CATSPER3: variants seen among roughly 807,000 people sequenced by gnomAD.
CATSPER3 encodes the protein cation channel sperm associated 3.
A neutral mutation model predicts 36.6 loss-of-function variants in CATSPER3; 23 were observed. The ratio of observed to expected loss-of-function variants is 0.63; its 90% CI spans 0.45 to 0.89. The LOEUF is 0.89. CATSPER3 is among the 40% of genes least tolerant of loss of function. The pLI, the probability that CATSPER3 is intolerant of heterozygous loss-of-function variation, is 0.00. For synonymous variants in CATSPER3, 172 were observed against 184.1 expected, an observed-to-expected ratio of 0.93 and a Z score of 0.53; for missense variants, 474 against 503.9, an observed-to-expected ratio of 0.94 and a Z score of 0.57.
At chr5:134,997,519 C>T (rs1286979044) in intron 3 of CATSPER3, among the ~76,000 whole-genome samples, 3 of 152,208 alleles carry the variant, frequency 2.0e-5, no homozygotes, top group Non-Finnish European at 4.4e-5. Flanking sequence ...TTTCCCTACA[C>T]TCCAGAATAT....
chr5:134,999,872 C>T (rs894462591), intron 3 of CATSPER3, among the ~76,000 whole-genome samples: 2 of 152,160 alleles, frequency 1.3e-5, no homozygotes, highest in Admixed American at 6.6e-5. Context: ...AATTTGACTT[C>T]CTCTTTTCCT....
Position 134,996,507 on chromosome 5 carries a change from A to G in CATSPER3, c.487A>G (p.Ile163Val). The G allele has an allele frequency of 6.2e-7, 1 of 1,614,066 alleles. No individual in the cohort carries two copies. Among genetic ancestry groups the G allele is most frequent in the Non-Finnish European group, 8.5e-7 (1 of 1,180,028 alleles). Residue 163 changes from isoleucine (I) to valine (V), a missense_variant, in exon 3 of 8, where the codon ATC becomes GTC. Physicochemically the swap from Ile to Val is conservative, Grantham distance 29. Coordinates refer to ENST00000282611, the MANE Select transcript of CATSPER3 (RefSeq NM_178019.3). Reference sequence around the variant, plus strand: ...CAAGCTTATCGGCTATAGCCAGGGCATCCGGGTGAGTGCACTGGGGGTGTC... The same window carrying G: ...CAAGCTTATCGGCTATAGCCAGGGCGTCCGGGTGAGTGCACTGGGGGTGTC... ...ILKLIGYSQGIRTLITAVGQT... is the reference protein window; with the variant it reads ...ILKLIGYSQGVRTLITAVGQT...
At chr5:134,993,631 C>T (rs888618721) in intron 2 of CATSPER3, among the ~76,000 whole-genome samples, 3 of 151,778 alleles carry the variant, frequency 2.0e-5, no homozygotes, top group Non-Finnish European at 4.4e-5. Context: ...CAATTTTATG[C>T]CAATAAATTT....
At position 134,968,103 on chromosome 5, in the gene CATSPER3, A is replaced by G. The variant is rs939421149; in HGVS notation, c.98+14A>G. The G allele has an allele frequency of 9.7e-6, 15 of 1,539,780 alleles. No individual in the cohort carries two copies. The highest frequency in any genetic ancestry group is 1.3e-5 in the Non-Finnish European group (15 of 1,112,406). On this transcript the variant is annotated intron_variant, in intron 1 of 7. Coordinates refer to ENST00000282611, the MANE Select transcript of CATSPER3 (RefSeq NM_178019.3). ...CAAGAAATTTAAGTAAATATTATCT[A>G]TCTCCATTGCCTGTTAAGAAATGTG...
chr5:134,978,887 T>C (rs1344907236), intron 2 of CATSPER3, among the ~76,000 whole-genome samples: 1 of 151,648 alleles, frequency 6.6e-6, no homozygotes, highest in East Asian at 2.0e-4. Context: ...GCCCGGCTAA[T>C]TTATTTTTGT....
chr5:134,981,568 A>G (rs1751751380), intron 2 of CATSPER3, among the ~76,000 whole-genome samples: 2 of 152,340 alleles, frequency 1.3e-5, no homozygotes, highest in Admixed American at 6.5e-5. Flanking sequence ...GATCACACAC[A>G]ACAAAGAATA....
chr5:134,991,178 A>G (rs1311724479), intron 2 of CATSPER3, among the ~76,000 whole-genome samples: 9 of 152,250 alleles, frequency 5.9e-5, no homozygotes, highest in Non-Finnish European at 2.9e-5. Context: ...TGTTCATGGA[A>G]GAGATTTAAT....
chr5:134,968,617 G>C (rs917990980), intron 1 of CATSPER3: 6 of 155,238 alleles, frequency 3.9e-5, no homozygotes, highest in Non-Finnish European at 7.1e-5. Context: ...CTTTAACCTG[G>C]GGGGCGAAGG....
intron 2 of CATSPER3, among the ~76,000 whole-genome samples, chr5:134,974,627 CTCT>C (rs1213148672): frequency 6.6e-6 from 1 of 152,126 alleles, no homozygotes; most frequent in African/African-American, 2.4e-5. Context: ...TAAAAATATA[CTCT>C]TCTTATCTTT....
At chr5:134,970,231 C>A in intron 2 of CATSPER3, 139 bp downstream of exon 2, 2 of 786,568 alleles carry the variant, frequency 2.5e-6, no homozygotes, top group Non-Finnish European at 4.2e-6. Context: ...TCTCAGCTCA[C>A]TGCAACCTCC....
intron 2 of CATSPER3, among the ~76,000 whole-genome samples, chr5:134,989,768 C>G (rs1457094518): frequency 6.6e-6 from 1 of 152,170 alleles, no homozygotes; most frequent in African/African-American, 2.4e-5. Context: ...ACTGGAATAA[C>G]TTTTAATTTT....
chr5:134,998,279 G>A (rs554557878), intron 3 of CATSPER3, among the ~76,000 whole-genome samples: 35 of 152,206 alleles, frequency 2.3e-4, no homozygotes, highest in South Asian at 1.9e-3. Context: ...ATAGTATTCC[G>A]TGGTGTATAT....
chr5:134,982,632 CT>C (rs1371913050), intron 2 of CATSPER3, among the ~76,000 whole-genome samples: 1 of 152,136 alleles, frequency 6.6e-6, no homozygotes, highest in African/African-American at 2.4e-5. Flanking sequence ...GAAATAAAGA[CT>C]TCCAGATAAA....
At chr5:134,997,591 G>A (rs1225177812) in intron 3 of CATSPER3, among the ~76,000 whole-genome samples, 1 of 152,084 alleles carries the variant, frequency 6.6e-6, no homozygotes, top group Non-Finnish European at 1.5e-5. Flanking sequence ...AGTTCCCTTG[G>A]CATCCTTGTC....
chr5:134,992,179 A>T lies in CATSPER3; in HGVS notation c.253-4094A>T, dbSNP rs925415922. 1.3e-5 allele frequency among the ~76,000 whole-genome samples: 2 copies of T among 152,268 alleles called. 1 individual carries two copies. Among genetic ancestry groups the T allele is most frequent in the South Asian group, 4.1e-4 (2 of 4,824 alleles). The stretch of plus-strand genomic sequence containing the variant: ...GAATGAGAGAAAATATTTGCAAATT[A>T]TATATCTGATAAAGAATTGATATCT... On this transcript the variant is annotated intron_variant, in intron 2 of 7. Transcript: ENST00000282611.
chr5:134,988,525 A>C (rs563014347), intron 2 of CATSPER3, among the ~76,000 whole-genome samples: 1 of 152,320 alleles, frequency 6.6e-6, no homozygotes, highest in South Asian at 2.1e-4. Flanking sequence ...TTGTCATTTC[A>C]ACAACTTTCA....
At chr5:134,999,558 A>G (rs1204910812) in intron 3 of CATSPER3, among the ~76,000 whole-genome samples, 2 of 152,134 alleles carry the variant, frequency 1.3e-5, no homozygotes, top group African/African-American at 4.8e-5. Flanking sequence ...ACATTCTTCC[A>G]TTTGTTTGTA....
chr5:135,001,829 A>G (rs1752023337), intron 3 of CATSPER3, among the ~76,000 whole-genome samples: 2 of 152,100 alleles, frequency 1.3e-5, no homozygotes, highest in Admixed American at 1.3e-4. Context: ...ATTTTCCTCC[A>G]TCCCTTTATT....
At chr5:134,983,190 G>A (rs1751769672) in intron 2 of CATSPER3, among the ~76,000 whole-genome samples, 1 of 152,180 alleles carries the variant, frequency 6.6e-6, no homozygotes. Context: ...CAAAACAGCA[G>A]AAGTGTGTCC....
Sources: allele counts gnomAD v4.1 joint callset (sites outside exome capture counted in the v4.1 genomes callset), GRCh38; gene constraint gnomAD v4.1.1; transcripts MANE v1.5; gene names NCBI Gene and HGNC (gene_info 2026-07-23, HGNC 2026-07-21).